The following NCALD variants were observed in gnomAD, a reference collection of about 807,000 sequenced individuals.
The protein encoded by NCALD is neurocalcin delta.
Under a neutral mutation model 18.6 loss-of-function variants are expected in NCALD, and 10 were observed. The observed-to-expected ratio is 0.54, with a 90% confidence interval of 0.33 to 0.91. The LOEUF (loss-of-function observed/expected upper bound fraction) is 0.91. Among genes scored for constraint, NCALD ranks in the 40% least tolerant of loss-of-function variants. The pLI is 0.03. For synonymous variants in NCALD, 88 were observed against 87.4 expected (o/e 1.01, Z -0.04); for missense variants, 184 against 247.6 (o/e 0.74, Z 1.72).
chr8:101,736,725 C>T (rs994799543), intron 1 of NCALD, among the ~76,000 whole-genome samples: 5 of 152,152 alleles, frequency 3.3e-5, no homozygotes, highest in African/African-American at 1.2e-4. Context: ...AATCACTAAA[C>T]AGACCAAACC....
chr8:101,920,401 A>C (rs1176379364), intron 2 of NCALD, among the ~76,000 whole-genome samples: 1 of 152,252 alleles, frequency 6.6e-6, no homozygotes, highest in Non-Finnish European at 1.5e-5. Context: ...AAAATAAATC[A>C]TTCTACCAAA....
At chr8:101,899,933 T>C (rs1250470632) in intron 3 of NCALD, among the ~76,000 whole-genome samples, 3 of 151,932 alleles carry the variant, frequency 2.0e-5, no homozygotes, top group Admixed American at 6.5e-5. Flanking sequence ...GAAGAGGTTG[T>C]AGAGAATTGG....
At position 101,730,702 on chromosome 8, in the gene NCALD, A is replaced by G. The variant is rs117857560; in HGVS notation, c.-19-11054T>C. ...GCCCTTTGCTATTCCATTATGTGGA[A>G]TTTAGTTAACTAATTCCCCTTGATA... On this transcript the variant is annotated intron_variant, in intron 1 of 3. Transcript: ENST00000220931. Among the ~76,000 whole-genome samples, 545 of 152,308 alleles carry G rather than the reference A, an allele frequency of 3.6e-3. 5 individuals carry two copies. In the East Asian group the frequency reaches 0.05, roughly 14 times the overall value.
intron 2 of NCALD, among the ~76,000 whole-genome samples, chr8:102,004,824 C>T (rs1821633984): frequency 6.6e-6 from 1 of 152,070 alleles, no homozygotes; most frequent in African/African-American, 2.4e-5. Context: ...ACTGGCTAGC[C>T]ATATGTAGAA....
intron 1 of NCALD, among the ~76,000 whole-genome samples, chr8:102,065,600 A>G (rs1823984419): frequency 6.6e-6 from 1 of 152,332 alleles, no homozygotes; most frequent in South Asian, 2.1e-4. Flanking sequence ...ATCCAACGTC[A>G]TCCCAATTTT....
chr8:102,042,393 C>T (rs1202550331), intron 1 of NCALD, among the ~76,000 whole-genome samples: 8 of 151,988 alleles, frequency 5.3e-5, no homozygotes, highest in Admixed American at 2.6e-4. Flanking sequence ...GGGAATTCAG[C>T]GGGACCACTC....
intron 1 of NCALD, among the ~76,000 whole-genome samples, chr8:102,116,307 G>T (rs994804939): frequency 2.0e-5 from 3 of 152,118 alleles, no homozygotes; most frequent in Non-Finnish European, 4.4e-5. Context: ...TCTACTGTGT[G>T]TCAAGGAACC....
At chr8:102,023,999 C>G (rs1822370324) in intron 1 of NCALD, among the ~76,000 whole-genome samples, 1 of 152,176 alleles carries the variant, frequency 6.6e-6, no homozygotes. Flanking sequence ...AGATTCAACT[C>G]TAGATGAAAA....
chr8:101,836,080 G>A (rs886343991), intron 4 of NCALD, among the ~76,000 whole-genome samples: 6 of 151,948 alleles, frequency 3.9e-5, no homozygotes, highest in East Asian at 1.9e-4. Flanking sequence ...CTGAAGGGAC[G>A]GGGCTGTGGC....
At chr8:102,119,935 T>C (rs1010017844) in intron 1 of NCALD, among the ~76,000 whole-genome samples, 31 of 152,364 alleles carry the variant, frequency 2.0e-4, no homozygotes, top group African/African-American at 7.5e-4. Flanking sequence ...ATTTTTCTCA[T>C]GTCTTCTAGC....
intron 2 of NCALD, among the ~76,000 whole-genome samples, chr8:101,706,361 A>G (rs1815523339): frequency 6.6e-6 from 1 of 151,966 alleles, no homozygotes; most frequent in Non-Finnish European, 1.5e-5. Flanking sequence ...GCAATGATGA[A>G]TTTGTTTCTG....
intron 4 of NCALD, among the ~76,000 whole-genome samples, chr8:101,862,130 G>C (rs1262485380): frequency 2.0e-5 from 3 of 152,148 alleles, no homozygotes; most frequent in African/African-American, 7.2e-5. Flanking sequence ...TGTCATGTCT[G>C]ACAAAGAATT....
chr8:101,993,718 T>C (rs923961753), intron 2 of NCALD, among the ~76,000 whole-genome samples: 2 of 152,222 alleles, frequency 1.3e-5, no homozygotes, highest in Admixed American at 1.3e-4. Context: ...TGGGACATAC[T>C]GCACTTTCAC....
At chr8:101,690,197 G>C in intron 3 of NCALD, 2 of 971,582 alleles carry the variant, frequency 2.1e-6, no homozygotes, top group Admixed American at 1.2e-4. Flanking sequence ...TTGTGGAGAG[G>C]AGGGGAGGGG....
intron 4 of NCALD, among the ~76,000 whole-genome samples, chr8:101,859,483 C>T (rs1365234424): frequency 6.6e-6 from 1 of 152,062 alleles, no homozygotes; most frequent in South Asian, 2.1e-4. Flanking sequence ...CTAGAGAACC[C>T]TGACTAATAC....
At chr8:102,114,207 C>A (rs746554511) in intron 1 of NCALD, among the ~76,000 whole-genome samples, 17 of 152,236 alleles carry the variant, frequency 1.1e-4, no homozygotes, top group Non-Finnish European at 1.8e-4. Flanking sequence ...AACATACGTT[C>A]TCCACCACTG....
intron 3 of NCALD, chr8:101,691,787 C>T: frequency 1.0e-6 from 1 of 985,338 alleles, no homozygotes; most frequent in Non-Finnish European, 1.2e-6. Flanking sequence ...GACAGAGGCT[C>T]TCTGTACTGC....
chr8:101,941,713 A>G (rs578088478), intron 2 of NCALD, among the ~76,000 whole-genome samples: 18 of 152,210 alleles, frequency 1.2e-4, no homozygotes, highest in South Asian at 8.3e-4. Flanking sequence ...TTTATGGGGG[A>G]GTAGGGATGA....
At chr8:101,964,308 A>C (rs944794072) in intron 2 of NCALD, among the ~76,000 whole-genome samples, 4 of 152,220 alleles carry the variant, frequency 2.6e-5, no homozygotes, top group African/African-American at 9.6e-5. Context: ...CTTGACCACA[A>C]GAATATAGTA....
Sources: gnomAD v4.1 joint callset for allele counts (sites outside exome capture counted in the v4.1 genomes callset) on GRCh38, gnomAD v4.1.1 for gene constraint, MANE v1.5 for transcripts, NCBI Gene and HGNC (gene_info 2026-07-23, HGNC 2026-07-21) for gene names.